The following COX10 variants were observed in gnomAD, a reference collection of about 807,000 sequenced individuals.
COX10 encodes protoheme IX farnesyltransferase, mitochondrial.
In COX10, 27 loss-of-function variants were observed where a neutral mutation model predicts 37.3. The ratio of observed to expected loss-of-function variants is 0.72; its 90% confidence interval spans 0.53 to 1.00. The LOEUF (loss-of-function observed/expected upper bound fraction) is 1.00, where lower values mean the gene tolerates loss of function less well. Among genes scored for constraint, COX10 ranks in the 50% least tolerant of loss-of-function variants. The probability of loss-of-function intolerance (pLI) is 0.00; values close to 1 mark genes in which losing one functional copy is unlikely to be tolerated. For missense variants in COX10, 475 were observed against 563.2 expected (o/e 0.84, Z 1.59); for synonymous variants, 222 against 229.1 (o/e 0.97, Z 0.28).
intron 4 of COX10, among the ~76,000 whole-genome samples, chr17:14,159,327 G>C (rs1341715669): frequency 6.6e-6 from 1 of 152,162 alleles, no homozygotes; most frequent in Non-Finnish European, 1.5e-5. Context: ...CTCAGGCTTT[G>C]GGTTGTGTGA....
chr17:14,076,386 T>G (rs974654381), intron 2 of COX10, among the ~76,000 whole-genome samples: 1 of 152,228 alleles, frequency 6.6e-6, no homozygotes, highest in Admixed American at 6.5e-5. Context: ...GGCCCTTGAT[T>G]ATTGAAAACT....
intron 5 of COX10, 108 bp from the exon 6 acceptor site, chr17:14,191,881 G>C: frequency 8.7e-7 from 1 of 1,149,890 alleles, no homozygotes; most frequent in African/African-American, 1.5e-5. Flanking sequence ...GATCAGTACT[G>C]CCTCTACTGG....
At chr17:14,128,064 A>G (rs1159658601) in intron 4 of COX10, among the ~76,000 whole-genome samples, 2 of 151,152 alleles carry the variant, frequency 1.3e-5, no homozygotes. Flanking sequence ...TTTTTTTTTA[A>G]GTCTAGACGT....
chr17:14,198,113 G>A (rs1354382221), intron 6 of COX10, among the ~76,000 whole-genome samples: 1 of 152,190 alleles, frequency 6.6e-6, no homozygotes. Context: ...TGTTGTCACA[G>A]GAACTGCCGC....
intron 4 of COX10, among the ~76,000 whole-genome samples, chr17:14,150,423 G>A (rs187076212): frequency 8.5e-5 from 13 of 152,280 alleles, no homozygotes; most frequent in East Asian, 7.7e-4. Flanking sequence ...ATTCCTTTCC[G>A]TGCAATATTA....
intron 6 of COX10, among the ~76,000 whole-genome samples, chr17:14,202,103 T>TA (rs1387327618): frequency 2.0e-5 from 3 of 152,088 alleles, no homozygotes; most frequent in African/African-American, 7.2e-5. Context: ...TTTTTTTTTT[T>TA]TTAAGGTACT....
intron 4 of COX10, among the ~76,000 whole-genome samples, chr17:14,115,034 T>C (rs1248471247): frequency 6.6e-6 from 1 of 152,152 alleles, no homozygotes; most frequent in Non-Finnish European, 1.5e-5. Context: ...CCTCTTGCTA[T>C]AAGGGCATAT....
At chr17:14,152,028 C>A (rs564001132) in intron 4 of COX10, among the ~76,000 whole-genome samples, 1 of 152,280 alleles carries the variant, frequency 6.6e-6, no homozygotes, top group Admixed American at 6.5e-5. Flanking sequence ...CTCAGGAAGT[C>A]AGCCATTTAG....
chr17:14,187,926 C>T (rs1906082953), intron 5 of COX10, among the ~76,000 whole-genome samples: 1 of 152,106 alleles, frequency 6.6e-6, no homozygotes, highest in Admixed American at 6.6e-5. Flanking sequence ...AAAATTGAGC[C>T]ACATCATTTT....
At chr17:14,117,528 G>A (rs1916138947) in intron 4 of COX10, among the ~76,000 whole-genome samples, 1 of 152,130 alleles carries the variant, frequency 6.6e-6, no homozygotes. Flanking sequence ...CTCTGAAATG[G>A]GAAAAGTTCC....
In COX10 at chr17:14,076,981, C is replaced by T. The variant is rs199508340; in HGVS notation, c.424C>T (p.Arg142Trp). The change falls in exon 3 of 7, where the codon CGG (arginine) becomes TGG (tryptophan). Residue 142 changes from arginine to tryptophan, a missense_variant. Transcript: ENST00000261643. The part of the protein sequence containing the change: ...DVGKETKEEK[R>W]WKEMKLQVYD... ...AGGGAAAGAGACAAAAGAGGAAAAGCGGTGGAAAGAGATGAAGCTGCAAGT... is the reference window on the plus strand; with the variant it reads ...AGGGAAAGAGACAAAAGAGGAAAAGTGGTGGAAAGAGATGAAGCTGCAAGT... 63 of 1,612,276 alleles carry T rather than the reference C, an allele frequency of 3.9e-5. No individual in the cohort carries two copies. The highest frequency in any genetic ancestry group is 6.7e-5 in the Admixed American group (4 of 59,860).
intron 4 of COX10, among the ~76,000 whole-genome samples, chr17:14,155,163 G>A (rs1905006020): frequency 6.6e-6 from 1 of 152,104 alleles, no homozygotes; most frequent in Non-Finnish European, 1.5e-5. Context: ...GATATAGTTG[G>A]CCAATGCATG....
intron 5 of COX10, among the ~76,000 whole-genome samples, chr17:14,168,083 A>G (rs1446385593): frequency 6.6e-6 from 1 of 152,268 alleles, no homozygotes; most frequent in African/African-American, 2.4e-5. Flanking sequence ...CCTACAAGAT[A>G]CAATGAGGGT....
At chr17:14,118,048 C>T (rs1437638048) in intron 4 of COX10, among the ~76,000 whole-genome samples, 1 of 152,084 alleles carries the variant, frequency 6.6e-6, no homozygotes, top group Non-Finnish European at 1.5e-5. Flanking sequence ...TGTTGTTCTG[C>T]CATTGATGTC....
intron 2 of COX10, among the ~76,000 whole-genome samples, 156 bp from the exon 3 acceptor site, chr17:14,076,579 A>G (rs542156518): frequency 6.6e-6 from 1 of 152,354 alleles, no homozygotes; most frequent in African/African-American, 2.4e-5. Context: ...ATTTCCATAT[A>G]GCACTCTATA....
chr17:14,181,384 C>A (rs1905853670), intron 5 of COX10, among the ~76,000 whole-genome samples: 1 of 151,304 alleles, frequency 6.6e-6, no homozygotes, highest in African/African-American at 2.4e-5. Context: ...GGTCCCTGGC[C>A]AAAGGTCCTG....
intron 5 of COX10, chr17:14,179,162 A>G (rs71366135): frequency 3.7e-5 from 24 of 644,678 alleles, no homozygotes; most frequent in African/African-American, 1.6e-4. Flanking sequence ...TTCCTAGTTC[A>G]GTTAAAATTG....
At chr17:14,109,853 T>A (rs1226157370) in intron 4 of COX10, among the ~76,000 whole-genome samples, 1 of 152,150 alleles carries the variant, frequency 6.6e-6, no homozygotes, top group Admixed American at 6.6e-5. Context: ...TATGTCTTAG[T>A]CAAACTAAGT....
intron 5 of COX10, chr17:14,177,059 T>C (rs1905714586): frequency 2.0e-5 from 8 of 395,676 alleles, no homozygotes; most frequent in Non-Finnish European, 3.6e-5. Context: ...TGTTTCATTT[T>C]CCCAAGGAGA....
Sources: allele counts gnomAD v4.1 joint callset (sites outside exome capture counted in the v4.1 genomes callset), GRCh38; gene constraint gnomAD v4.1.1; transcripts MANE v1.5; gene names NCBI Gene and HGNC (gene_info 2026-07-23, HGNC 2026-07-21).